The following MAPK10 variants were observed in gnomAD, a reference collection of about 807,000 sequenced individuals.
The protein encoded by MAPK10 is JNK3 alpha protein kinase.
MAPK10 carries 25 observed loss-of-function variants against 59.3 expected under a neutral mutation model. The observed-to-expected ratio is 0.42, with a 90% CI of 0.31 to 0.59. The LOEUF (loss-of-function observed/expected upper bound fraction) is 0.59. Ranked by LOEUF, MAPK10 falls within the 20% of genes least tolerant of loss-of-function variation. The pLI is 0.15. For synonymous variants in MAPK10, 190 were observed against 200.5 expected, an observed-to-expected ratio of 0.95 and a Z score of 0.44; for missense variants, 351 against 568.9, an observed-to-expected ratio of 0.62 and a Z score of 3.90.
chr4:86,453,743 T>G (rs1227752944), upstream of MAPK10, among the ~76,000 whole-genome samples: 1 of 151,940 alleles, frequency 6.6e-6, no homozygotes, highest in Admixed American at 6.6e-5. Flanking sequence ...CACTGCCTGT[T>G]CCTCCCCATA....
chr4:86,134,316 A>G (rs1233944682), intron 4 of MAPK10, among the ~76,000 whole-genome samples: 2 of 152,208 alleles, frequency 1.3e-5, no homozygotes, highest in African/African-American at 2.4e-5. Flanking sequence ...CAAGGAAACT[A>G]GAAGTGTGAT....
rs139829062 is a variant in MAPK10 at position 86,211,314 on chromosome 4, G to A, written c.-6-16907C>T. 2.6e-5 allele frequency among the ~76,000 whole-genome samples: 4 copies of A among 152,074 alleles called. No homozygotes were observed. In the East Asian group the frequency reaches 7.7e-4, roughly 29 times the overall value. The stretch of plus-strand genomic sequence containing the variant: ...ATGTTGAAAGCCAAAGACAAAGAGA[G>A]AATATTGAAAGCAGTGAGAAAGAAG... On this transcript the variant is annotated intron_variant, in intron 2 of 13. Coordinates refer to ENST00000641462, the MANE Select transcript of MAPK10 (RefSeq NM_138982.4).
At chr4:86,294,844 C>T (rs1294343308) in intron 2 of MAPK10, among the ~76,000 whole-genome samples, 1 of 152,196 alleles carries the variant, frequency 6.6e-6, no homozygotes, top group Non-Finnish European at 1.5e-5. Flanking sequence ...CTCTTCGAGG[C>T]TTTGGCTGAG....
intron 1 of MAPK10, among the ~76,000 whole-genome samples, chr4:86,482,148 T>C (rs1248806584): frequency 2.0e-5 from 3 of 152,242 alleles, no homozygotes; most frequent in East Asian, 1.9e-4. Flanking sequence ...CTTACAAGTT[T>C]CATAAATTTT....
chr4:86,434,782 C>T (rs1371476545), intron 1 of MAPK10, among the ~76,000 whole-genome samples: 2 of 152,210 alleles, frequency 1.3e-5, no homozygotes, highest in African/African-American at 2.4e-5. Flanking sequence ...ATGCAGCGGT[C>T]CCATTGCTGG....
chr4:86,065,327 G>T (rs1169191928), intron 10 of MAPK10: 2 of 152,002 alleles, frequency 1.3e-5, no homozygotes, highest in African/African-American at 4.8e-5. Context: ...TTAATCAATG[G>T]AATCATGACT....
At chr4:86,410,044 T>C (rs1396093260) in intron 1 of MAPK10, among the ~76,000 whole-genome samples, 2 of 152,228 alleles carry the variant, frequency 1.3e-5, no homozygotes, top group African/African-American at 2.4e-5. Flanking sequence ...GGGTTTGTCA[T>C]AAATAGCTCT....
intron 1 of MAPK10, among the ~76,000 whole-genome samples, chr4:86,499,247 G>T (rs556388524): frequency 1.3e-5 from 2 of 152,222 alleles, no homozygotes; most frequent in South Asian, 4.2e-4. Context: ...TATACAAAAG[G>T]AAAAGTAGCT....
intron 2 of MAPK10, among the ~76,000 whole-genome samples, chr4:86,256,386 G>T (rs1323138308): frequency 6.6e-6 from 1 of 152,090 alleles, no homozygotes. Flanking sequence ...TAGCTATAAA[G>T]TTGTTTTATA....
At chr4:86,401,814 T>C (rs112534285) in intron 1 of MAPK10, among the ~76,000 whole-genome samples, 14 of 152,320 alleles carry the variant, frequency 9.2e-5, no homozygotes, top group Admixed American at 3.9e-4. Context: ...TTAGGGCTTA[T>C]TATCTTCCCA....
chr4:86,029,764 A>G (rs1371103913), intron 12 of MAPK10, among the ~76,000 whole-genome samples: 3 of 151,610 alleles, frequency 2.0e-5, no homozygotes, highest in African/African-American at 7.3e-5. Flanking sequence ...ACACATTCTC[A>G]TGACTTTAAA....
intron 2 of MAPK10, among the ~76,000 whole-genome samples, chr4:86,195,513 G>A (rs573325143): frequency 3.9e-5 from 6 of 152,268 alleles, no homozygotes; most frequent in African/African-American, 9.6e-5. Context: ...AGCTGAGGCC[G>A]CTGTTTGTCA....
At chr4:86,416,059 A>C (rs114421480) in intron 1 of MAPK10, among the ~76,000 whole-genome samples, 2,296 of 152,328 alleles carry the variant, frequency 0.015, 26 homozygotes, top group Non-Finnish European at 0.024. Flanking sequence ...CATACGTTGA[A>C]GCCCTAAAGT....
Position 86,576,545 on chromosome 4 carries a change from C to T in MAPK10, c.-263+17365G>A, listed in dbSNP as rs374477140. 7.3e-4 allele frequency among the ~76,000 whole-genome samples: 110 copies of T among 150,520 alleles called. 2 individuals carry two copies. The highest frequency in any genetic ancestry group is 2.3e-3 in the African/African-American group (96 of 40,940). On this transcript the variant is annotated intron_variant, in intron 1 of 4. Transcript: ENST00000502302. ...ATCCCAGCACTTTGGGAGGCCGAGA[C>T]GGGTGGATCATGAGGTCAGGAGATC...
intron 2 of MAPK10, among the ~76,000 whole-genome samples, chr4:86,304,728 G>C (rs1009050610): frequency 6.6e-6 from 1 of 151,992 alleles, no homozygotes; most frequent in Non-Finnish European, 1.5e-5. Flanking sequence ...CTTCCTGTTT[G>C]TTTTCTAGAC....
intron 1 of MAPK10, among the ~76,000 whole-genome samples, chr4:86,431,890 T>C (rs1332765911): frequency 4.6e-5 from 7 of 152,202 alleles, no homozygotes; most frequent in Non-Finnish European, 2.9e-5. Flanking sequence ...AGCCCTATGA[T>C]GTCAAAAGGT....
intron 1 of MAPK10, among the ~76,000 whole-genome samples, chr4:86,464,641 G>A (rs555340784): frequency 2.1e-4 from 32 of 152,078 alleles, no homozygotes; most frequent in African/African-American, 3.6e-4. Context: ...CTAACACGGC[G>A]AAACCCCGTC....
intron 3 of MAPK10, among the ~76,000 whole-genome samples, chr4:86,179,429 C>T (rs1454447992): frequency 6.6e-6 from 1 of 151,996 alleles, no homozygotes; most frequent in African/African-American, 2.4e-5. Flanking sequence ...ACCATACTAA[C>T]CAAAGCAACC....
chr4:86,085,957 G>A (rs998278547), intron 9 of MAPK10, among the ~76,000 whole-genome samples: 25 of 152,156 alleles, frequency 1.6e-4, no homozygotes, highest in African/African-American at 5.6e-4. Flanking sequence ...ACAAGTGGGA[G>A]ATGAACAATG....
Sources: gnomAD v4.1 joint callset for allele counts (sites outside exome capture counted in the v4.1 genomes callset) on GRCh38, gnomAD v4.1.1 for gene constraint, MANE v1.5 for transcripts, NCBI Gene and HGNC (gene_info 2026-07-23, HGNC 2026-07-21) for gene names.